The following TAFA5 variants were observed in gnomAD, a reference collection of about 807,000 sequenced individuals.
TAFA5 encodes the protein TAFA chemokine like family member 5.
A neutral mutation model predicts 15.3 loss-of-function variants in TAFA5; 6 were observed. The ratio of observed to expected loss-of-function variants is 0.39; its 90% CI spans 0.21 to 0.77. TAFA5 has a LOEUF of 0.77. TAFA5 is among the 30% of genes least tolerant of loss of function. TAFA5 has a pLI of 0.41. For missense variants in TAFA5, 161 were observed against 193.1 expected (o/e 0.83, Z 0.98); for synonymous variants, 103 against 80.7 (o/e 1.28, Z -1.48).
intron 1 of TAFA5, among the ~76,000 whole-genome samples, chr22:48,527,540 C>T (rs1921821899): frequency 6.6e-6 from 1 of 152,226 alleles, no homozygotes; most frequent in Non-Finnish European, 1.5e-5. Flanking sequence ...TCAGGAAGGA[C>T]ATGGTGCACA....
At position 48,575,559 on chromosome 22, in the gene TAFA5, G is replaced by A. The variant is rs1313137957; in HGVS notation, c.113-71038G>A. On this transcript the variant is annotated intron_variant, in intron 1 of 3. Coordinates refer to ENST00000402357, the MANE Select transcript of TAFA5 (RefSeq NM_001082967.3). ...AGCAGCGGCGTCCCGCGGGCGGCGA[G>A]GCGCGCAGCGTCGCCGGCCCCACCT... 1.1e-4 allele frequency among the ~76,000 whole-genome samples: 16 copies of A among 145,698 alleles called. No individual in the cohort carries two copies. In the East Asian group the frequency reaches 2.2e-3, roughly 20 times the overall value.
chr22:48,594,776 A>G (rs1030462025), intron 1 of TAFA5, among the ~76,000 whole-genome samples: 1 of 152,190 alleles, frequency 6.6e-6, no homozygotes, highest in South Asian at 2.1e-4. Flanking sequence ...AGCAGTGCAG[A>G]CAGACGGATG....
In TAFA5 at chr22:48,745,767, G is replaced by T. The variant is rs546654053; in HGVS notation, c.391-4072G>T. Reference sequence around the variant, plus strand: ...GGGGGCCCGGGAGGTGTCAGCACCGGCCCAAAGATTTCATATAAACCGTGG... The same window carrying T: ...GGGGGCCCGGGAGGTGTCAGCACCGTCCCAAAGATTTCATATAAACCGTGG... On this transcript the variant is annotated intron_variant, in intron 3 of 3. Coordinates refer to ENST00000402357, the MANE Select transcript of TAFA5 (RefSeq NM_001082967.3). 3.3e-5 allele frequency among the ~76,000 whole-genome samples: 5 copies of T among 152,288 alleles called. 1 individual carries two copies. In the East Asian group the frequency reaches 5.8e-4, roughly 18 times the overall value.
At chr22:48,674,061 C>T (rs527593050) in intron 2 of TAFA5, among the ~76,000 whole-genome samples, 3 of 151,918 alleles carry the variant, frequency 2.0e-5, no homozygotes, top group African/African-American at 4.8e-5. Flanking sequence ...CTCCTCTGCC[C>T]GCCTCACATC....
At chr22:48,701,184 T>C (rs570337584) in intron 2 of TAFA5, among the ~76,000 whole-genome samples, 1 of 152,242 alleles carries the variant, frequency 6.6e-6, no homozygotes, top group East Asian at 1.9e-4. Context: ...GTAGAGGACA[T>C]GGGGCAGAGG....
chr22:48,738,708 G>A (rs557873976), intron 3 of TAFA5, among the ~76,000 whole-genome samples: 10 of 152,206 alleles, frequency 6.6e-5, no homozygotes, highest in African/African-American at 9.7e-5. Flanking sequence ...AACATTCCCC[G>A]GGCAGGGTGT....
intron 1 of TAFA5, among the ~76,000 whole-genome samples, chr22:48,551,356 G>A (rs538060561): frequency 6.6e-6 from 1 of 152,150 alleles, no homozygotes; most frequent in Non-Finnish European, 1.5e-5. Context: ...GTCTTGGCAG[G>A]TGCCAGCCCC....
rs564184892 is a variant in TAFA5, at chr22:48,615,709, C to T, written c.113-30888C>T. Reference sequence around the variant, plus strand: ...TCCTGGCCCCCGCCCCCATCCCCCCCTCTCCAGGAGGGGCCCTGTGACAAG... The same window carrying T: ...TCCTGGCCCCCGCCCCCATCCCCCCTTCTCCAGGAGGGGCCCTGTGACAAG... On this transcript the variant is annotated intron_variant, in intron 1 of 3. Coordinates refer to ENST00000402357, the MANE Select transcript of TAFA5 (RefSeq NM_001082967.3). Among the ~76,000 whole-genome samples the T allele has an allele frequency of 4.1e-4, 62 of 152,320 alleles. 2 individuals are homozygous for T. In the South Asian group the frequency reaches 0.012, roughly 31 times the overall value.
intron 1 of TAFA5, chr22:48,544,579 C>G (rs1187883455): frequency 2.2e-5 from 9 of 413,562 alleles, no homozygotes; most frequent in African/African-American, 4.1e-5. Flanking sequence ...CACATGCCAG[C>G]TTCCTCCCAG....
chr22:48,629,406 G>C (rs1377227793), intron 1 of TAFA5, among the ~76,000 whole-genome samples: 2 of 152,238 alleles, frequency 1.3e-5, no homozygotes, highest in Non-Finnish European at 2.9e-5. Flanking sequence ...TGAGCCCGTA[G>C]CTCTGCCTCC....
chr22:48,613,198 G>A (rs976622394), intron 1 of TAFA5, among the ~76,000 whole-genome samples: 1 of 152,100 alleles, frequency 6.6e-6, no homozygotes, highest in Non-Finnish European at 1.5e-5. Flanking sequence ...TCTGAGTCAC[G>A]CCGTATTCCT....
At chr22:48,619,732 G>A (rs1055832304) in intron 1 of TAFA5, among the ~76,000 whole-genome samples, 3 of 152,222 alleles carry the variant, frequency 2.0e-5, no homozygotes, top group Admixed American at 1.3e-4. Context: ...CTGGCAGCAT[G>A]GGCGTCACGC....
intron 1 of TAFA5, chr22:48,576,546 G>GA: frequency 6.6e-7 from 1 of 1,517,576 alleles, no homozygotes; most frequent in Non-Finnish European, 8.9e-7. Context: ...TCGTCCTAGT[G>GA]ATCCACGCGC....
intron 3 of TAFA5, among the ~76,000 whole-genome samples, chr22:48,731,497 T>C (rs1929868098): frequency 6.6e-6 from 1 of 152,248 alleles, no homozygotes; most frequent in African/African-American, 2.4e-5. Context: ...GAGGACAGGC[T>C]GACTCTCTTG....
At chr22:48,662,690 C>G (rs889145981) in intron 2 of TAFA5, among the ~76,000 whole-genome samples, 4 of 152,208 alleles carry the variant, frequency 2.6e-5, no homozygotes, top group Non-Finnish European at 5.9e-5. Context: ...GAGTGAGAGA[C>G]ACAGGCTGGG....
At chr22:48,654,344 C>T (rs1040489703) in intron 2 of TAFA5, among the ~76,000 whole-genome samples, 4 of 152,192 alleles carry the variant, frequency 2.6e-5, no homozygotes, top group Non-Finnish European at 5.9e-5. Flanking sequence ...TGAAGCCTGC[C>T]CGTGGAAGGC....
chr22:48,722,937 C>T (rs132253), intron 3 of TAFA5, among the ~76,000 whole-genome samples: 62,150 of 151,848 alleles, frequency 0.41, 13,509 homozygotes, highest in Non-Finnish European at 0.48. Flanking sequence ...TCCAGAAAGC[C>T]ACGGAGGCTT....
intron 3 of TAFA5, among the ~76,000 whole-genome samples, chr22:48,714,003 G>C (rs1929331749): frequency 6.6e-6 from 1 of 152,224 alleles, no homozygotes; most frequent in Non-Finnish European, 1.5e-5. Flanking sequence ...TCCCAGCCCA[G>C]TCCTCCCGTG....
intron 3 of TAFA5, among the ~76,000 whole-genome samples, chr22:48,714,488 G>A (rs1226349700): frequency 6.6e-6 from 1 of 152,170 alleles, no homozygotes; most frequent in Non-Finnish European, 1.5e-5. Context: ...CACCACCTGG[G>A]CCTCAGCTCC....
Sources: gnomAD v4.1 joint callset for allele counts (sites outside exome capture counted in the v4.1 genomes callset) on GRCh38, gnomAD v4.1.1 for gene constraint, MANE v1.5 for transcripts, NCBI Gene and HGNC (gene_info 2026-07-23, HGNC 2026-07-21) for gene names.